Variants in CCDC102B observed in about 807,000 individuals in gnomAD.
The protein encoded by CCDC102B is coiled-coil domain-containing protein 102B.
Under a neutral mutation model 57.4 loss-of-function variants are expected in CCDC102B, and 75 were observed. That is an observed-to-expected ratio of 1.31 (90% CI 1.08 to 1.58). The LOEUF is 1.58. Among genes scored for constraint, CCDC102B ranks in the 40% most tolerant of loss-of-function variants. The pLI, the probability that CCDC102B is intolerant of heterozygous loss-of-function variation, is 0.00. For synonymous variants in CCDC102B, 206 were observed against 201.9 expected (o/e 1.02, Z -0.17); for missense variants, 636 against 582.6 (o/e 1.09, Z -0.94).
At chr18:68,787,270 G>T (rs2035249398) in intron 2 of CCDC102B, among the ~76,000 whole-genome samples, 1 of 151,492 alleles carries the variant, frequency 6.6e-6, no homozygotes, top group East Asian at 1.9e-4. Flanking sequence ...GTTCATCAAG[G>T]ATATTGGTCT....
intron 6 of CCDC102B, among the ~76,000 whole-genome samples, chr18:68,924,232 C>T (rs1371975514): frequency 3.3e-5 from 5 of 151,842 alleles, no homozygotes; most frequent in African/African-American, 7.3e-5. Context: ...CACATCTCAT[C>T]TTAAATTGTA....
chr18:68,764,697 G>T (rs2034366397), intron 2 of CCDC102B, among the ~76,000 whole-genome samples: 1 of 152,032 alleles, frequency 6.6e-6, no homozygotes, highest in Admixed American at 6.6e-5. Context: ...ATTTATTATT[G>T]TTGGGTTAGC....
chr18:68,867,160 T>C (rs2039026933), intron 4 of CCDC102B: 2 of 162,298 alleles, frequency 1.2e-5, no homozygotes, highest in Non-Finnish European at 2.7e-5. Flanking sequence ...TCAGATCCCC[T>C]GGAGCTCAGT....
chr18:68,948,219 ATAAAT>A (rs1173112793), intron 6 of CCDC102B, among the ~76,000 whole-genome samples: 4 of 152,136 alleles, frequency 2.6e-5, no homozygotes, highest in African/African-American at 9.6e-5. Flanking sequence ...AATTATGAAA[ATAAAT>A]TAGAATTACA....
intron 5 of CCDC102B, among the ~76,000 whole-genome samples, chr18:68,891,187 G>C (rs2040065814): frequency 6.6e-6 from 1 of 152,180 alleles, no homozygotes; most frequent in Admixed American, 6.5e-5. Flanking sequence ...ATACGTAATA[G>C]CCCTTTTAAG....
intron 5 of CCDC102B, among the ~76,000 whole-genome samples, chr18:68,880,335 C>T (rs943127832): frequency 5.3e-5 from 8 of 152,186 alleles, no homozygotes; most frequent in Admixed American, 2.0e-4. Flanking sequence ...CCAGCTGGCC[C>T]GCAAGCACCG....
At chr18:68,790,321 AGGCAGGCAG>A (rs995208940) in intron 2 of CCDC102B, among the ~76,000 whole-genome samples, 22 of 64,706 alleles carry the variant, frequency 3.4e-4, no homozygotes, top group African/African-American at 8.2e-4. Flanking sequence ...GAGCGTACAG[AGGCAGGCAG>A]GCCTCCTTGA....
chr18:68,789,998 A>G (rs1320008533), intron 2 of CCDC102B, among the ~76,000 whole-genome samples: 2 of 149,462 alleles, frequency 1.3e-5, no homozygotes, highest in Non-Finnish European at 3.0e-5. Context: ...TGATGTACAG[A>G]TGGGTTTTTG....
intron 2 of CCDC102B, among the ~76,000 whole-genome samples, chr18:68,724,703 C>T (rs1305310021): frequency 6.6e-6 from 1 of 152,136 alleles, no homozygotes. Context: ...TAGAAAGTTC[C>T]AAACTTTCCC....
intron 6 of CCDC102B, among the ~76,000 whole-genome samples, chr18:69,004,846 A>G (rs866566674): frequency 2.0e-5 from 3 of 152,310 alleles, no homozygotes; most frequent in Middle Eastern, 6.8e-3. Flanking sequence ...ATGATATTAT[A>G]TCAACACTAT....
chr18:68,921,866 A>T (rs1288639363), intron 6 of CCDC102B, among the ~76,000 whole-genome samples: 1 of 152,176 alleles, frequency 6.6e-6, no homozygotes, highest in Non-Finnish European at 1.5e-5. Flanking sequence ...GAATTCCAAG[A>T]TAATAAATTT....
chr18:68,748,058 A>C (rs2033691387), intron 2 of CCDC102B, among the ~76,000 whole-genome samples: 1 of 152,092 alleles, frequency 6.6e-6, no homozygotes, highest in African/African-American at 2.4e-5. Flanking sequence ...TAATAGCCTG[A>C]CAAATGTGAG....
chr18:68,812,693 G>A (rs2036315633), intron 1 of CCDC102B, among the ~76,000 whole-genome samples: 1 of 152,198 alleles, frequency 6.6e-6, no homozygotes, highest in African/African-American at 2.4e-5. Context: ...TTAGTATTAA[G>A]CATTTCCTAT....
At chr18:68,890,167 T>A (rs529113046) in intron 5 of CCDC102B, among the ~76,000 whole-genome samples, 23 of 152,260 alleles carry the variant, frequency 1.5e-4, no homozygotes, top group Middle Eastern at 3.4e-3. Context: ...CTTTTTTTTT[T>A]AAACCTGGCT....
At chr18:68,880,060 G>A (rs959606908) in intron 5 of CCDC102B, among the ~76,000 whole-genome samples, 3 of 152,198 alleles carry the variant, frequency 2.0e-5, no homozygotes, top group African/African-American at 7.2e-5. Flanking sequence ...GTGCTCATCG[G>A]GGAGGCTTGG....
chr18:68,867,337 C>G (rs1039624761), intron 4 of CCDC102B, among the ~76,000 whole-genome samples: 2 of 152,156 alleles, frequency 1.3e-5, no homozygotes, highest in Non-Finnish European at 2.9e-5. Flanking sequence ...TTCCCTTTTC[C>G]TGCCCACAGC....
intron 2 of CCDC102B, among the ~76,000 whole-genome samples, chr18:68,750,296 G>C (rs1274186147): frequency 6.6e-6 from 1 of 152,156 alleles, no homozygotes; most frequent in African/African-American, 2.4e-5. Flanking sequence ...GGAAACAACA[G>C]GTGCTGGAGA....
intron 2 of CCDC102B, among the ~76,000 whole-genome samples, chr18:68,764,221 G>A (rs1460432720): frequency 4.6e-5 from 7 of 151,992 alleles, no homozygotes; most frequent in Non-Finnish European, 1.5e-5. Flanking sequence ...TTTTTCCAAT[G>A]GATTTTATTC....
chr18:69,043,094 G>C (rs888297767), intron 7 of CCDC102B, among the ~76,000 whole-genome samples: 1 of 152,092 alleles, frequency 6.6e-6, no homozygotes, highest in African/African-American at 2.4e-5. Flanking sequence ...TGGGGAGAGG[G>C]TCAGCAGACA....
Sources: gnomAD v4.1 joint callset for allele counts (sites outside exome capture counted in the v4.1 genomes callset) on GRCh38, gnomAD v4.1.1 for gene constraint, MANE v1.5 for transcripts, NCBI Gene and HGNC (gene_info 2026-07-23, HGNC 2026-07-21) for gene names.